Variants in CSMD1 observed in about 807,000 individuals in gnomAD.
The protein encoded by CSMD1 is CUB and Sushi multiple domains 1, also known as CUB and sushi domain-containing protein 1.
A neutral mutation model predicts 417.5 loss-of-function variants in CSMD1; 213 were observed. The observed-to-expected ratio is 0.51, with a 90% CI of 0.46 to 0.57. The LOEUF is 0.57. CSMD1 is among the 20% of genes least tolerant of loss of function. CSMD1 has a pLI of 0.00. For synonymous variants in CSMD1, 2,862 were observed against 1,736.8 expected (o/e 1.65, Z -16.11); for missense variants, 6,923 against 4,529.7 (o/e 1.53, Z -15.17).
intron 54 of CSMD1, among the ~76,000 whole-genome samples, chr8:2,989,597 T>A (rs61563169): frequency 6.6e-6 from 1 of 152,192 alleles, no homozygotes; most frequent in South Asian, 2.1e-4. Flanking sequence ...TTAAAATGCA[T>A]CAACGAATTT....
At chr8:4,345,542 T>A (rs1484766182) in intron 3 of CSMD1, among the ~76,000 whole-genome samples, 1 of 151,888 alleles carries the variant, frequency 6.6e-6, no homozygotes, top group African/African-American at 2.4e-5. Context: ...ATGGGGGAAA[T>A]ATATGCAAAT....
chr8:3,415,409 G>A (rs991899546), intron 12 of CSMD1, among the ~76,000 whole-genome samples: 4 of 152,218 alleles, frequency 2.6e-5, no homozygotes, highest in African/African-American at 4.8e-5. Flanking sequence ...CCAGGCTGGA[G>A]TGCAGTGGCA....
chr8:3,175,244 A>C (rs1230430107), intron 37 of CSMD1, among the ~76,000 whole-genome samples: 2 of 152,210 alleles, frequency 1.3e-5, no homozygotes, highest in Non-Finnish European at 2.9e-5. Flanking sequence ...CCACCTGGTA[A>C]AGAAATAGCG....
intron 23 of CSMD1, among the ~76,000 whole-genome samples, chr8:3,316,319 C>A (rs1805754795): frequency 6.6e-6 from 1 of 151,916 alleles, no homozygotes; most frequent in Non-Finnish European, 1.5e-5. Context: ...AAATAATGAG[C>A]TGTAAAAAAA....
At chr8:3,871,780 T>G (rs1462479360) in intron 5 of CSMD1, among the ~76,000 whole-genome samples, 1 of 152,200 alleles carries the variant, frequency 6.6e-6, no homozygotes, top group East Asian at 1.9e-4. Flanking sequence ...ACATAAAGAT[T>G]AAATGTAAGA....
At position 3,118,549 on chromosome 8, in the gene CSMD1, G is replaced by C. The variant is rs866880226; in HGVS notation, c.6280C>G (p.Gln2094Glu). ...LQNCPDPPPF[Q>E]NGYMINSDYS... ...TCCGAGTTGATCATGTACCCATTCT[G>C]AAATGGGGGTGGATCTGGACAGTTC... The change falls in exon 42 of 70, where the codon CAG (glutamine) becomes GAG (glutamate). Residue 2094 changes from glutamine (Q) to glutamate (E), a missense_variant. By Grantham distance (29) the Gln-to-Glu change is conservative. Transcript: ENST00000635120. 1 of 1,613,776 alleles carries C rather than the reference G, an allele frequency of 6.2e-7. No individual in the cohort carries two copies. Among genetic ancestry groups the C allele is most frequent in the African/African-American group, 1.3e-5 (1 of 74,908 alleles).
intron 12 of CSMD1, among the ~76,000 whole-genome samples, chr8:3,413,223 T>G (rs1812926842): frequency 6.6e-6 from 1 of 152,194 alleles, no homozygotes; most frequent in Admixed American, 6.5e-5. Flanking sequence ...TACTAAAGTT[T>G]ACAATTTCTC....
intron 3 of CSMD1, among the ~76,000 whole-genome samples, chr8:4,046,026 A>G (rs191814282): frequency 6.6e-6 from 1 of 152,246 alleles, no homozygotes; most frequent in African/African-American, 2.4e-5. Flanking sequence ...TCAAATATAA[A>G]ATTTAGGACT....
chr8:4,748,692 T>G (rs745843830), intron 1 of CSMD1, among the ~76,000 whole-genome samples: 3 of 152,204 alleles, frequency 2.0e-5, no homozygotes, highest in Non-Finnish European at 4.4e-5. Context: ...AGGGGGTGAA[T>G]AGCCCACACC....
chr8:3,240,177 G>C (rs527668139), intron 26 of CSMD1, among the ~76,000 whole-genome samples: 1 of 152,116 alleles, frequency 6.6e-6, no homozygotes, highest in African/African-American at 2.4e-5. Flanking sequence ...CGGTTCTTGT[G>C]TAAGAATTCT....
chr8:4,848,382 G>A (rs149897921), intron 1 of CSMD1, among the ~76,000 whole-genome samples: 20 of 152,306 alleles, frequency 1.3e-4, no homozygotes, highest in Admixed American at 5.2e-4. Context: ...AGATTATAGT[G>A]GAGCTGAAAA....
At chr8:4,746,797 A>C (rs1457449024) in intron 1 of CSMD1, among the ~76,000 whole-genome samples, 1 of 152,202 alleles carries the variant, frequency 6.6e-6, no homozygotes, top group Non-Finnish European at 1.5e-5. Flanking sequence ...TACCATCAAA[A>C]GATAACTGTG....
intron 7 of CSMD1, among the ~76,000 whole-genome samples, chr8:3,655,666 T>G (rs1798065830): frequency 1.3e-5 from 2 of 151,610 alleles, no homozygotes; most frequent in Admixed American, 6.6e-5. Flanking sequence ...TGCGTTTTTT[T>G]TTTTTTTTTT....
chr8:3,234,101 A>G (rs566747021), intron 26 of CSMD1, among the ~76,000 whole-genome samples: 36 of 152,290 alleles, frequency 2.4e-4, no homozygotes, highest in African/African-American at 8.4e-4. Context: ...TTTGCTTTCT[A>G]TTCCCTGAGC....
chr8:3,807,830 C>A (rs765802156), intron 5 of CSMD1, among the ~76,000 whole-genome samples: 2 of 152,148 alleles, frequency 1.3e-5, no homozygotes, highest in Non-Finnish European at 2.9e-5. Context: ...GATCCTAGCA[C>A]ATTTACAAAT....
intron 9 of CSMD1, 143 bp downstream of exon 9, chr8:3,585,993 A>T (rs897559189): frequency 1.2e-6 from 1 of 819,798 alleles, no homozygotes; most frequent in Non-Finnish European, 1.8e-6. Flanking sequence ...TTCTGTTATT[A>T]CCCACATCAC....
At chr8:3,744,676 G>C (rs1276049845) in intron 6 of CSMD1, among the ~76,000 whole-genome samples, 3 of 152,198 alleles carry the variant, frequency 2.0e-5, no homozygotes, top group Non-Finnish European at 4.4e-5. Context: ...GATGCCTACA[G>C]ACAGGTAGCA....
intron 5 of CSMD1, among the ~76,000 whole-genome samples, chr8:3,796,986 G>T (rs569094236): frequency 2.0e-5 from 3 of 151,792 alleles, no homozygotes; most frequent in South Asian, 2.1e-4. Context: ...CAGCTAAAAA[G>T]TTAATGTAAT....
At chr8:4,651,588 C>G (rs556860190) in intron 1 of CSMD1, among the ~76,000 whole-genome samples, 112 of 152,222 alleles carry the variant, frequency 7.4e-4, no homozygotes, top group African/African-American at 2.7e-3. Flanking sequence ...CCTTAATATC[C>G]AGCTGTAAAA....
Sources: allele counts gnomAD v4.1 joint callset (sites outside exome capture counted in the v4.1 genomes callset), GRCh38; gene constraint gnomAD v4.1.1; transcripts MANE v1.5; gene names NCBI Gene and HGNC (gene_info 2026-07-23, HGNC 2026-07-21).